ADORA2B: variants seen among roughly 807,000 people sequenced by gnomAD.
ADORA2B encodes adenosine receptor A2b.
Under a neutral mutation model 20.8 loss-of-function variants are expected in ADORA2B, and 18 were observed. The observed-to-expected ratio is 0.87, with a 90% confidence interval of 0.60 to 1.29. The LOEUF (loss-of-function observed/expected upper bound fraction) is 1.29. Ranked by LOEUF, ADORA2B falls within the 50% of genes most tolerant of loss-of-function variation. ADORA2B has a pLI of 0.00. For missense variants in ADORA2B, 441 were observed against 422.7 expected, an observed-to-expected ratio of 1.04 and a Z score of -0.38; for synonymous variants, 179 against 178.3, an observed-to-expected ratio of 1.00 and a Z score of -0.03.
chr17:15,915,934 T>C, the ADORA2B span, among the ~76,000 whole-genome samples: 4 of 152,306 alleles, frequency 2.6e-5, no homozygotes, highest in East Asian at 1.9e-4. Context: ...CCCAGTGAAG[T>C]TGACACATAA....
chr17:15,861,990 C>T, the ADORA2B span, among the ~76,000 whole-genome samples: 9 of 152,058 alleles, frequency 5.9e-5, no homozygotes, highest in Non-Finnish European at 1.2e-4. Flanking sequence ...TCCACCTGAA[C>T]CTGTTTTAGT....
chr17:15,868,195 C>T, the ADORA2B span, among the ~76,000 whole-genome samples: 2 of 137,640 alleles, frequency 1.5e-5, no homozygotes, highest in South Asian at 4.6e-4. Flanking sequence ...AGAGTCATCA[C>T]CACTCCCTAA....
At chr17:15,891,725 A>G in the ADORA2B span, among the ~76,000 whole-genome samples, 1 of 151,666 alleles carries the variant, frequency 6.6e-6, no homozygotes, top group Non-Finnish European at 1.5e-5. Context: ...TTTGTCACCC[A>G]GGGTGGAGTG....
the ADORA2B span, among the ~76,000 whole-genome samples, chr17:15,912,643 A>G: frequency 6.6e-6 from 1 of 152,208 alleles, no homozygotes; most frequent in Admixed American, 6.5e-5. Context: ...TTTGCCCAAC[A>G]TCTGATCACC....
At chr17:15,867,712 G>A in the ADORA2B span, among the ~76,000 whole-genome samples, 1 of 148,738 alleles carries the variant, frequency 6.7e-6, no homozygotes, top group Non-Finnish European at 1.5e-5. Flanking sequence ...CCGTCCGGGA[G>A]GTGAGGGGCG....
chr17:15,968,609 G>A (rs555294648), intron 1 of ADORA2B, among the ~76,000 whole-genome samples: 1 of 152,290 alleles, frequency 6.6e-6, no homozygotes, highest in South Asian at 2.1e-4. Flanking sequence ...TTTGTGAGTT[G>A]AACATGGAAG....
chr17:15,865,612 C>T, the ADORA2B span, among the ~76,000 whole-genome samples: 1 of 152,190 alleles, frequency 6.6e-6, no homozygotes, highest in Non-Finnish European at 1.5e-5. Context: ...ACACAGTCAC[C>T]ACTCGCATCC....
the ADORA2B span, among the ~76,000 whole-genome samples, chr17:15,878,214 C>T: frequency 1.4e-5 from 2 of 143,474 alleles, no homozygotes; most frequent in Admixed American, 7.0e-5. Flanking sequence ...CACACACACA[C>T]ATTATATAAA....
intron 1 of ADORA2B, among the ~76,000 whole-genome samples, chr17:15,951,158 C>T (rs1046219835): frequency 2.0e-5 from 3 of 152,168 alleles, no homozygotes; most frequent in Admixed American, 6.5e-5. Context: ...CTCTGTGAAA[C>T]GCCAGAAGAG....
At chr17:15,906,971 AC>A in the ADORA2B span, among the ~76,000 whole-genome samples, 383 of 152,298 alleles carry the variant, frequency 2.5e-3, 1 homozygote, top group African/African-American at 8.5e-3. Context: ...GTTTAAAGAC[AC>A]CCTTTCCCAT....
At chr17:15,873,867 G>A in the ADORA2B span, among the ~76,000 whole-genome samples, 5 of 152,078 alleles carry the variant, frequency 3.3e-5, no homozygotes, top group African/African-American at 4.8e-5. Flanking sequence ...TAGATCTACC[G>A]TTTAATTCAA....
chr17:15,895,370 G>A, the ADORA2B span, among the ~76,000 whole-genome samples: 9 of 152,250 alleles, frequency 5.9e-5, no homozygotes, highest in East Asian at 1.7e-3. Flanking sequence ...AAGCAGGCTG[G>A]ACAGGATTAT....
At chr17:15,865,010 C>T in the ADORA2B span, among the ~76,000 whole-genome samples, 7 of 151,220 alleles carry the variant, frequency 4.6e-5, no homozygotes, top group African/African-American at 1.5e-4. Context: ...AATTACACTC[C>T]CAAAGAAGAG....
At chr17:15,964,799 C>T (rs537771370) in intron 1 of ADORA2B, among the ~76,000 whole-genome samples, 24 of 151,550 alleles carry the variant, frequency 1.6e-4, no homozygotes, top group Middle Eastern at 6.8e-3. Flanking sequence ...CGGTGGCTCA[C>T]GCCTGTAACC....
chr17:15,905,290 G>C, the ADORA2B span, among the ~76,000 whole-genome samples: 1 of 150,752 alleles, frequency 6.6e-6, no homozygotes, highest in East Asian at 1.9e-4. Flanking sequence ...TTGTTGGGGG[G>C]GGGTTGCGAT....
chr17:15,965,014 C>T (rs1252705265), intron 1 of ADORA2B, among the ~76,000 whole-genome samples: 7 of 152,088 alleles, frequency 4.6e-5, no homozygotes, highest in East Asian at 1.9e-4. Context: ...GAGCCGAGAT[C>T]GTGCCACTGC....
At chr17:15,938,033 C>T in the ADORA2B span, among the ~76,000 whole-genome samples, 10 of 152,170 alleles carry the variant, frequency 6.6e-5, 1 homozygote, top group Admixed American at 6.5e-5. Context: ...CACTTTTCCA[C>T]GCCTCCATTT....
At chr17:15,853,863 A>C in the ADORA2B span, among the ~76,000 whole-genome samples, 1 of 152,070 alleles carries the variant, frequency 6.6e-6, no homozygotes, top group Non-Finnish European at 1.5e-5. Flanking sequence ...AAAGACAGGA[A>C]AATTAAAAGG....
intron 1 of ADORA2B, among the ~76,000 whole-genome samples, chr17:15,960,281 G>C (rs1416448274): frequency 8.2e-6 from 1 of 122,254 alleles, no homozygotes; most frequent in South Asian, 3.3e-4. Context: ...TGGGCCGGGC[G>C]CGGTGGCTCA....
Sources: allele counts gnomAD v4.1 joint callset (sites outside exome capture counted in the v4.1 genomes callset), GRCh38; gene constraint gnomAD v4.1.1; transcripts MANE v1.5; gene names NCBI Gene and HGNC (gene_info 2026-07-23, HGNC 2026-07-21).